Variants in EXOC6 observed in about 807,000 individuals in gnomAD.
EXOC6 encodes the protein exocyst complex component 6.
In EXOC6, 60 loss-of-function variants were observed where a neutral mutation model predicts 112.5. That is an observed-to-expected ratio of 0.53 (90% confidence interval 0.43 to 0.66). The LOEUF (loss-of-function observed/expected upper bound fraction) is 0.66, where lower values mean the gene tolerates loss of function less well. EXOC6 is among the 30% of genes least tolerant of loss of function. The probability of loss-of-function intolerance (pLI) is 0.00; values close to 1 mark genes in which losing one functional copy is unlikely to be tolerated. For missense variants in EXOC6, 855 were observed against 957.1 expected (o/e 0.89, Z 1.41); for synonymous variants, 295 against 308.0 (o/e 0.96, Z 0.44).
chr10:92,879,413 GCTGTGAT>G (rs962495496), intron 1 of EXOC6, among the ~76,000 whole-genome samples: 66 of 152,282 alleles, frequency 4.3e-4, no homozygotes, highest in African/African-American at 1.5e-3. Flanking sequence ...CCTGTAGTGA[GCTGTGAT>G]CACACCACTG....
In EXOC6 at chr10:92,975,969, G is replaced by A. The variant is rs1198718378; in HGVS notation, c.1953+1737G>A. Among the ~76,000 whole-genome samples, 806 of 143,708 alleles carry A rather than the reference G, an allele frequency of 5.6e-3. 15 individuals carry two copies. The highest frequency in any genetic ancestry group is 0.02 in the African/African-American group (760 of 38,090). The allele number at this position is 143,708 out of a possible 152,430, so 94.3% of individuals were successfully genotyped here. A position where few individuals can be genotyped will look rare whatever the true frequency, so the allele number is the denominator to read the frequency against. Reference sequence around the variant, plus strand: ...AGCCGCCCCGTCCGGTAGGTGAGGGGCGCCTCTGCCCAGCCGCCCCTACTG... The same window carrying A: ...AGCCGCCCCGTCCGGTAGGTGAGGGACGCCTCTGCCCAGCCGCCCCTACTG... On this transcript the variant is annotated intron_variant, in intron 18 of 21. Transcript: ENST00000260762.
chr10:92,917,627 T>G (rs1851174870), intron 7 of EXOC6, among the ~76,000 whole-genome samples: 1 of 151,674 alleles, frequency 6.6e-6, no homozygotes. Flanking sequence ...TGGGTCCAAG[T>G]GTTCTTCCCA....
chr10:92,938,719 C>A (rs372753937), intron 12 of EXOC6, among the ~76,000 whole-genome samples: 1 of 152,094 alleles, frequency 6.6e-6, no homozygotes, highest in African/African-American at 2.4e-5. Context: ...ACATAAAAGT[C>A]AGTAAGACAG....
chr10:92,869,016 A>T (rs1488719397), intron 1 of EXOC6, among the ~76,000 whole-genome samples: 2 of 151,946 alleles, frequency 1.3e-5, no homozygotes, highest in Non-Finnish European at 2.9e-5. Context: ...TTTATATTTT[A>T]TCATGTTAAG....
At chr10:92,856,678 G>A (rs1847616556) in intron 1 of EXOC6, among the ~76,000 whole-genome samples, 1 of 152,158 alleles carries the variant, frequency 6.6e-6, no homozygotes, top group South Asian at 2.1e-4. Flanking sequence ...GTTGGAGGGA[G>A]TATTCTATAG....
intron 17 of EXOC6, 62 bp from the exon 18 acceptor site, chr10:92,973,991 T>A: frequency 7.8e-7 from 1 of 1,274,000 alleles, no homozygotes; most frequent in Non-Finnish European, 1.1e-6. Flanking sequence ...ATATCTAGAA[T>A]TGTAAGAACA....
At chr10:92,959,956 T>G (rs1853895601) in intron 17 of EXOC6, among the ~76,000 whole-genome samples, 2 of 152,302 alleles carry the variant, frequency 1.3e-5, no homozygotes, top group South Asian at 4.1e-4. Flanking sequence ...TTTGGCAGCT[T>G]CTTAGAAAGT....
chr10:92,934,038 G>A (rs537435240), intron 9 of EXOC6, 106 bp from the exon 10 acceptor site: 2 of 666,164 alleles, frequency 3.0e-6, no homozygotes, highest in African/African-American at 3.8e-5. Flanking sequence ...GTGGCATATA[G>A]TAGACTCTCA....
intron 1 of EXOC6, among the ~76,000 whole-genome samples, chr10:92,886,936 TAA>T (rs1224747302): frequency 6.6e-6 from 1 of 152,216 alleles, no homozygotes; most frequent in Non-Finnish European, 1.5e-5. Flanking sequence ...ACTTAATACA[TAA>T]TAAGTACTTG....
intron 18 of EXOC6, among the ~76,000 whole-genome samples, chr10:92,979,201 C>G (rs184725555): frequency 1.4e-3 from 209 of 152,268 alleles, no homozygotes; most frequent in African/African-American, 4.8e-3. Flanking sequence ...TGCTCTGTCA[C>G]CCAGGCTGGA....
intron 6 of EXOC6, among the ~76,000 whole-genome samples, chr10:92,911,436 T>G (rs1481779064): frequency 1.3e-5 from 2 of 152,226 alleles, no homozygotes; most frequent in Non-Finnish European, 2.9e-5. Context: ...TTTTTCAGTA[T>G]GAGAATGCCA....
At chr10:92,921,634 A>G (rs1851451388) in intron 8 of EXOC6, among the ~76,000 whole-genome samples, 1 of 146,974 alleles carries the variant, frequency 6.8e-6, no homozygotes, top group African/African-American at 2.5e-5. Flanking sequence ...TCTTTGTGCT[A>G]TTGTTTTCTT....
rs147131038 is a variant in EXOC6, at chr10:93,012,203, A to G, written c.2096-1991A>G. On this transcript the variant is annotated intron_variant, in intron 19 of 21. Transcript: ENST00000260762. ...TTGCTCTTACTTTAGACATAATTCTAGTAATTGATTAGCTGGCTTACCTGC... is the reference window on the plus strand; with the variant it reads ...TTGCTCTTACTTTAGACATAATTCTGGTAATTGATTAGCTGGCTTACCTGC... Among the ~76,000 whole-genome samples the G allele has an allele frequency of 6.9e-3, 1,046 of 152,328 alleles. 8 individuals carry two copies. Among genetic ancestry groups the G allele is most frequent in the Non-Finnish European group, 0.011 (739 of 68,028 alleles).
At chr10:93,021,671 A>G (rs1844800005) in intron 20 of EXOC6, among the ~76,000 whole-genome samples, 1 of 152,246 alleles carries the variant, frequency 6.6e-6, no homozygotes, top group Non-Finnish European at 1.5e-5. Context: ...GATTGATTGT[A>G]TATTCATTTC....
chr10:93,000,444 A>G (rs192471816), intron 19 of EXOC6, among the ~76,000 whole-genome samples: 5 of 152,104 alleles, frequency 3.3e-5, no homozygotes, highest in African/African-American at 4.8e-5. Flanking sequence ...TAAAACTCTG[A>G]TGTTTTCTTT....
intron 8 of EXOC6, among the ~76,000 whole-genome samples, chr10:92,920,901 A>G (rs1851400637): frequency 1.3e-5 from 2 of 152,026 alleles, no homozygotes; most frequent in East Asian, 3.9e-4. Flanking sequence ...TAGTATAGCC[A>G]CTCCAGCTTT....
At chr10:92,915,026 G>A (rs1393792246) in intron 6 of EXOC6, among the ~76,000 whole-genome samples, 1 of 152,166 alleles carries the variant, frequency 6.6e-6, no homozygotes, top group Non-Finnish European at 1.5e-5. Flanking sequence ...ATGATCAATT[G>A]TGGGATAACA....
chr10:93,028,447 A>T (rs1845119066), intron 20 of EXOC6, among the ~76,000 whole-genome samples: 1 of 152,184 alleles, frequency 6.6e-6, no homozygotes, highest in Admixed American at 6.5e-5. Context: ...CTCATGATAA[A>T]ATTTGAATGG....
intron 8 of EXOC6, among the ~76,000 whole-genome samples, chr10:92,921,762 C>G (rs2133913683): frequency 6.6e-6 from 1 of 151,742 alleles, no homozygotes; most frequent in South Asian, 2.1e-4. Flanking sequence ...GATTCTCCCA[C>G]TTGAGCCTCC....
Sources: gnomAD v4.1 joint callset for allele counts (sites outside exome capture counted in the v4.1 genomes callset) on GRCh38, gnomAD v4.1.1 for gene constraint, MANE v1.5 for transcripts, NCBI Gene and HGNC (gene_info 2026-07-23, HGNC 2026-07-21) for gene names.